The following NOL4 variants were observed in gnomAD, a reference collection of about 807,000 sequenced individuals.
NOL4 encodes nucleolar protein 4.
A neutral mutation model predicts 75.9 loss-of-function variants in NOL4; 17 were observed. The observed-to-expected ratio is 0.22, with a 90% CI of 0.15 to 0.34. The LOEUF (loss-of-function observed/expected upper bound fraction) is 0.34, where lower values mean the gene tolerates loss of function less well. NOL4 is among the 10% of genes least tolerant of loss of function. The pLI, the probability that NOL4 is intolerant of heterozygous loss-of-function variation, is 1.00. For synonymous variants in NOL4, 292 were observed against 289.9 expected (o/e 1.01, Z -0.07); for missense variants, 614 against 793.5 (o/e 0.77, Z 2.72).
At chr18:33,881,737 G>A (rs542012797) in intron 10 of NOL4, among the ~76,000 whole-genome samples, 11 of 152,086 alleles carry the variant, frequency 7.2e-5, no homozygotes, top group South Asian at 4.1e-4. Flanking sequence ...AAACGAGCCC[G>A]CATTGCCAGG....
chr18:33,977,431 C>T (rs2071581546), intron 6 of NOL4, among the ~76,000 whole-genome samples: 1 of 152,156 alleles, frequency 6.6e-6, no homozygotes, highest in Non-Finnish European at 1.5e-5. Context: ...TTATACAGGA[C>T]AGTTCCCCTG....
chr18:34,160,193 C>A (rs576104291), intron 1 of NOL4, among the ~76,000 whole-genome samples: 1 of 151,868 alleles, frequency 6.6e-6, no homozygotes, highest in African/African-American at 2.4e-5. Context: ...CAGCTGTAGA[C>A]AAAGAAAAAG....
intron 6 of NOL4, among the ~76,000 whole-genome samples, chr18:33,988,714 T>C (rs570892840): frequency 6.6e-6 from 1 of 151,476 alleles, no homozygotes; most frequent in South Asian, 2.1e-4. Flanking sequence ...GATAGCCAGA[T>C]ATGCATCCTC....
intron 2 of NOL4, among the ~76,000 whole-genome samples, chr18:34,109,413 G>A (rs547427158): frequency 6.6e-6 from 1 of 152,248 alleles, no homozygotes; most frequent in South Asian, 2.1e-4. Context: ...CAGCTACTCA[G>A]GAGGCTGAGG....
intron 1 of NOL4, among the ~76,000 whole-genome samples, chr18:34,148,030 G>A (rs1013433763): frequency 7.2e-5 from 11 of 151,752 alleles, no homozygotes; most frequent in African/African-American, 2.4e-4. Flanking sequence ...TCTCCAATGG[G>A]AGTTTGTATT....
chr18:34,010,086 A>G (rs554032466), intron 6 of NOL4, among the ~76,000 whole-genome samples: 1 of 151,934 alleles, frequency 6.6e-6, no homozygotes, highest in South Asian at 2.1e-4. Context: ...TAAGATCGCC[A>G]TTTTAAAAGT....
At chr18:34,199,862 AC>A (rs1027708503) in intron 1 of NOL4, among the ~76,000 whole-genome samples, 1 of 151,878 alleles carries the variant, frequency 6.6e-6, no homozygotes, top group Admixed American at 6.6e-5. Context: ...ATCAAACTCT[AC>A]AGTTCAGAGA....
At chr18:33,902,756 T>C (rs2065817332) in intron 9 of NOL4, among the ~76,000 whole-genome samples, 1 of 152,130 alleles carries the variant, frequency 6.6e-6, no homozygotes, top group South Asian at 2.1e-4. Context: ...ACATTGCAGG[T>C]TTTTCTTTGC....
intron 5 of NOL4, among the ~76,000 whole-genome samples, chr18:34,030,811 T>C (rs913638684): frequency 6.6e-6 from 1 of 152,130 alleles, no homozygotes; most frequent in Non-Finnish European, 1.5e-5. Flanking sequence ...AAAACATCAC[T>C]GTGTACCCCG....
At chr18:34,008,566 A>T (rs2074189537) in intron 6 of NOL4, among the ~76,000 whole-genome samples, 1 of 151,974 alleles carries the variant, frequency 6.6e-6, no homozygotes, top group African/African-American at 2.4e-5. Flanking sequence ...AATTGATAAA[A>T]AATACTTAAT....
At chr18:33,967,858 C>T (rs899445138) in intron 6 of NOL4, among the ~76,000 whole-genome samples, 3 of 152,130 alleles carry the variant, frequency 2.0e-5, no homozygotes, top group Admixed American at 6.5e-5. Flanking sequence ...GGGGCCGAGG[C>T]AGGCGGATCA....
chr18:34,009,613 G>C (rs573045757), intron 6 of NOL4, among the ~76,000 whole-genome samples: 3 of 151,832 alleles, frequency 2.0e-5, no homozygotes, highest in Non-Finnish European at 4.4e-5. Context: ...AACTGTCCAA[G>C]CTCAAAAGAT....
In NOL4 at chr18:33,852,683, C is replaced by G. The variant is rs1465921043; in HGVS notation, c.*159G>C. 1.5e-6 allele frequency: 1 copy of G among 660,002 alleles called. No homozygotes were observed. Among genetic ancestry groups the G allele is most frequent in the African/African-American group, 1.8e-5 (1 of 54,394 alleles). 40.9% of individuals were successfully genotyped at this position (660,002 alleles called of 1,614,324 possible). On this transcript the variant is annotated 3_prime_UTR_variant, in exon 11 of 11. Coordinates refer to ENST00000261592, the MANE Select transcript of NOL4 (RefSeq NM_003787.5). Reference sequence around the variant, plus strand: ...AGAGGTCAGAGTTCCTTTGAAGCACCTTAACACATCACTTACGGATCAAGG... The same window carrying G: ...AGAGGTCAGAGTTCCTTTGAAGCACGTTAACACATCACTTACGGATCAAGG...
intron 5 of NOL4, among the ~76,000 whole-genome samples, chr18:34,038,582 C>A (rs1248559428): frequency 6.6e-6 from 1 of 152,018 alleles, no homozygotes; most frequent in Non-Finnish European, 1.5e-5. Flanking sequence ...ATGTCATTTG[C>A]AGCAACATGG....
chr18:34,071,478 C>T (rs2145262132), intron 5 of NOL4, among the ~76,000 whole-genome samples: 1 of 140,242 alleles, frequency 7.1e-6, no homozygotes, highest in East Asian at 2.1e-4. Flanking sequence ...CAGATGATCC[C>T]TGACTTAACG....
chr18:33,969,023 T>G (rs2070831539), intron 6 of NOL4, among the ~76,000 whole-genome samples: 1 of 152,336 alleles, frequency 6.6e-6, no homozygotes, highest in African/African-American at 2.4e-5. Context: ...TCATGCAAAC[T>G]GTTAGATTAT....
chr18:33,870,595 G>A (rs760718659), intron 10 of NOL4, among the ~76,000 whole-genome samples: 15 of 151,830 alleles, frequency 9.9e-5, no homozygotes, highest in Non-Finnish European at 1.0e-4. Context: ...ATAAATGTAC[G>A]AAAGATATGT....
At chr18:34,141,016 A>G (rs1038877646) in intron 1 of NOL4, among the ~76,000 whole-genome samples, 1 of 152,156 alleles carries the variant, frequency 6.6e-6, no homozygotes, top group African/African-American at 2.4e-5. Context: ...TGCAAAAATC[A>G]CAAGCATTCT....
chr18:33,896,446 G>A (rs2065414163), intron 9 of NOL4, among the ~76,000 whole-genome samples: 1 of 152,050 alleles, frequency 6.6e-6, no homozygotes, highest in African/African-American at 2.4e-5. Context: ...TAGACCATTG[G>A]AGCAAAATAG....
Sources: allele counts gnomAD v4.1 joint callset (sites outside exome capture counted in the v4.1 genomes callset), GRCh38; gene constraint gnomAD v4.1.1; transcripts MANE v1.5; gene names NCBI Gene and HGNC (gene_info 2026-07-23, HGNC 2026-07-21).